The following WFS1 variants were observed in gnomAD, a reference collection of about 807,000 sequenced individuals.
The protein encoded by WFS1 is wolframin.
Under a neutral mutation model 68.5 loss-of-function variants are expected in WFS1, and 90 were observed. The ratio of observed to expected loss-of-function variants is 1.31; its 90% CI spans 1.11 to 1.56. The LOEUF (loss-of-function observed/expected upper bound fraction) is 1.56, where lower values mean the gene tolerates loss of function less well. Among genes scored for constraint, WFS1 ranks in the 40% most tolerant of loss-of-function variants. WFS1 has a pLI of 0.00. For synonymous variants in WFS1, 860 were observed against 540.7 expected (o/e 1.59, Z -8.19); for missense variants, 1,767 against 1,232.6 (o/e 1.43, Z -6.49).
At position 6,291,912 on chromosome 4, in the gene WFS1, T is replaced by C. The variant is rs1578597647; in HGVS notation, c.632-5T>C. ...CTGACTGTTAATCCACCCTGTCCCCTGCAGATGGAGGGGCGCAGCCAGGCC... is the reference window on the plus strand; with the variant it reads ...CTGACTGTTAATCCACCCTGTCCCCCGCAGATGGAGGGGCGCAGCCAGGCC... On this transcript the variant is annotated splice_polypyrimidine_tract_variant and splice_region_variant and intron_variant, in intron 5 of 7. Coordinates refer to ENST00000226760, the MANE Select transcript of WFS1 (RefSeq NM_006005.3). 1 of 1,608,822 alleles carries C rather than the reference T, an allele frequency of 6.2e-7. No individual in the cohort carries two copies. The highest frequency in any genetic ancestry group is 8.5e-7 in the Non-Finnish European group (1 of 1,178,436).
chr4:6,277,691 A>G lies in WFS1; in HGVS notation c.232+4A>G, dbSNP rs1187482431. The G allele has an allele frequency of 6.4e-7, 1 of 1,555,574 alleles. No homozygotes were observed. The highest frequency in any genetic ancestry group is 2.4e-5 in the East Asian group (1 of 41,490). ...CGGGAAAGAGCAGACGGCACCGGTA[A>G]GGGAGCAGGCTGGGAAGCCCAGGCT... On this transcript the variant is annotated splice_donor_region_variant and intron_variant, in intron 2 of 7. Transcript: ENST00000226760.
chr4:6,294,010 T>C (rs1195230699), intron 6 of WFS1, among the ~76,000 whole-genome samples: 3 of 148,322 alleles, frequency 2.0e-5, no homozygotes, highest in Non-Finnish European at 4.5e-5. Flanking sequence ...CCTCATCTCT[T>C]TGCTGCAGCT....
Position 6,301,818 on chromosome 4 carries a change from C to T in WFS1, c.2023C>T (p.Pro675Ser), listed in dbSNP as rs1730935968. 3.1e-6 allele frequency: 5 copies of T among 1,613,178 alleles called. No individual in the cohort carries two copies. Among genetic ancestry groups the T allele is most frequent in the Non-Finnish European group, 3.4e-6 (4 of 1,180,030 alleles). ...TWQQYGALCG[P>S]RAWKETNMAR... The stretch of plus-strand genomic sequence containing the variant: ...GCAGCAGTATGGTGCGCTGTGCGGG[C>T]CACGCGCCTGGAAGGAGACCAACAT... The change falls in exon 8 of 8, where the codon CCA (proline) becomes TCA (serine). Residue 675 changes from proline to serine, a missense_variant. Physicochemically the swap from Pro to Ser is moderately conservative, Grantham distance 74. Transcript: ENST00000226760.
intron 1 of WFS1, among the ~76,000 whole-genome samples, chr4:6,271,594 A>C (rs578254841): frequency 6.6e-6 from 1 of 151,908 alleles, no homozygotes; most frequent in Admixed American, 6.6e-5. Context: ...AAGTGGTACC[A>C]CCACAGCCAG....
intron 1 of WFS1, among the ~76,000 whole-genome samples, chr4:6,273,931 G>C (rs1340204431): frequency 6.6e-6 from 1 of 152,176 alleles, no homozygotes; most frequent in Admixed American, 6.5e-5. Flanking sequence ...GACATACATG[G>C]TACATAGGCC....
intron 1 of WFS1, among the ~76,000 whole-genome samples, chr4:6,276,233 G>T (rs919707744): frequency 6.6e-6 from 1 of 152,160 alleles, no homozygotes; most frequent in Non-Finnish European, 1.5e-5. Context: ...CCCTAACGCC[G>T]CTCATCCAGG....
At position 6,300,936 on chromosome 4, in the gene WFS1, C is replaced by T. The variant is rs1730865869; in HGVS notation, c.1141C>T (p.Leu381=). ...GAACTTCCGCACCCTCACCGACCTGCTGCTGCGCTTCGAGCCCAACCTGGA... is the reference window on the plus strand; with the variant it reads ...GAACTTCCGCACCCTCACCGACCTGTTGCTGCGCTTCGAGCCCAACCTGGA... The part of the protein sequence containing the change: ...WENFRTLTDL[L]LRFEPNLDVE... Residue 381 remains leucine (L), a synonymous_variant, in exon 8 of 8, where the codon CTG becomes TTG. Transcript: ENST00000226760. 3.1e-6 allele frequency: 5 copies of T among 1,614,080 alleles called. No individual in the cohort carries two copies. Among genetic ancestry groups the T allele is most frequent in the African/African-American group, 2.7e-5 (2 of 74,930 alleles).
At chr4:6,282,255 G>A (rs1292803181) in intron 2 of WFS1, among the ~76,000 whole-genome samples, 1 of 152,256 alleles carries the variant, frequency 6.6e-6, no homozygotes, top group Admixed American at 6.5e-5. Flanking sequence ...AGGCTGATGG[G>A]ATGCCTGTGG....
chr4:6,274,289 T>C lies in WFS1; in HGVS notation c.-5-3162T>C, dbSNP rs375922576. On this transcript the variant is annotated intron_variant, in intron 1 of 7. Coordinates refer to ENST00000226760, the MANE Select transcript of WFS1 (RefSeq NM_006005.3). Reference sequence around the variant, plus strand: ...GTCTTGATCTCCTGACCTTGTGATCTGCCCGCCTCGGCCTCCCAAAGTGCT... The same window carrying C: ...GTCTTGATCTCCTGACCTTGTGATCCGCCCGCCTCGGCCTCCCAAAGTGCT... Among the ~76,000 whole-genome samples the C allele has an allele frequency of 2.6e-3, 388 of 152,148 alleles. 3 individuals are homozygous for C. Among genetic ancestry groups the C allele is most frequent in the African/African-American group, 7.4e-3 (309 of 41,516 alleles).
chr4:6,301,448 C>A lies in WFS1; in HGVS notation c.1653C>A (p.Ser551=), dbSNP rs766730980. Residue 551 remains serine, a synonymous_variant, in exon 8 of 8, where the codon TCC becomes TCA. Transcript: ENST00000226760. ...TCTCCGTGGTCATCCTGCTGGAGTC[C>A]ACCGGCCTGGGGCTGCTCCGCGCCT... is the stretch of plus-strand genomic sequence containing the variant. ...CELSVVILLE[S]TGLGLLRASI... 1 of 1,612,408 alleles carries A rather than the reference C, an allele frequency of 6.2e-7. No individual in the cohort carries two copies. The highest frequency in any genetic ancestry group is 8.5e-7 in the Non-Finnish European group (1 of 1,180,044).
chr4:6,274,316 G>A (rs1729927801), intron 1 of WFS1, among the ~76,000 whole-genome samples: 1 of 151,908 alleles, frequency 6.6e-6, no homozygotes, highest in Admixed American at 6.6e-5. Flanking sequence ...CAAAGTGCTG[G>A]GATTACAGGC....
At chr4:6,274,954 C>T (rs564607800) in intron 1 of WFS1, among the ~76,000 whole-genome samples, 2 of 152,282 alleles carry the variant, frequency 1.3e-5, no homozygotes, top group African/African-American at 4.8e-5. Flanking sequence ...GAGCAGGTCC[C>T]TCCCCTCCCT....
intron 7 of WFS1, among the ~76,000 whole-genome samples, chr4:6,296,725 C>T (rs1730649437): frequency 6.6e-6 from 1 of 152,226 alleles, no homozygotes; most frequent in South Asian, 2.1e-4. Context: ...GGTGTAAGTA[C>T]TATTATAATA....
At chr4:6,284,744 T>C (rs543737730) in intron 2 of WFS1, among the ~76,000 whole-genome samples, 21 of 151,620 alleles carry the variant, frequency 1.4e-4, no homozygotes, top group Non-Finnish European at 2.9e-4. Context: ...CCTATCAGAT[T>C]GATGTTAACG....
At chr4:6,300,577 G>A in intron 7 of WFS1, 80 bp from the exon 8 acceptor site, 1 of 1,597,972 alleles carries the variant, frequency 6.3e-7, no homozygotes, top group Non-Finnish European at 8.5e-7. Flanking sequence ...CCCAGAGGCA[G>A]GGTGGTCAGA....
At chr4:6,279,036 C>G (rs945573348) in intron 2 of WFS1, among the ~76,000 whole-genome samples, 1 of 152,142 alleles carries the variant, frequency 6.6e-6, no homozygotes, top group Non-Finnish European at 1.5e-5. Context: ...AAGCCCTGGG[C>G]GCCGCCTGAC....
In WFS1 at chr4:6,291,247, G is replaced by C. The variant is rs758281375; in HGVS notation, c.511G>C (p.Asp171His). 2.5e-6 allele frequency: 4 copies of C among 1,613,210 alleles called. No homozygotes were observed. The highest frequency in any genetic ancestry group is 2.5e-6 in the Non-Finnish European group (3 of 1,180,014). The change falls in exon 5 of 8, where the codon GAC (aspartate) becomes CAC (histidine). Residue 171 changes from aspartate to histidine, a missense_variant. By Grantham distance (81) the Asp-to-His change is moderately conservative (BLOSUM62 -1). Transcript: ENST00000226760. ...GGTGAGGCAGCTCTCCTCCGAGACC[G>C]ACCTGGAGAGGGCCGTGCGCAAGGC... ...REVRQLSSET[D>H]LERAVRKAAL...
intron 1 of WFS1, among the ~76,000 whole-genome samples, chr4:6,274,109 C>T (rs1315593238): frequency 6.6e-6 from 1 of 151,282 alleles, no homozygotes; most frequent in Non-Finnish European, 1.5e-5. Context: ...TGCAGTGGCG[C>T]GATCTCGGCT....
At chr4:6,286,628 T>C (rs1045681897) in intron 2 of WFS1, among the ~76,000 whole-genome samples, 5 of 152,248 alleles carry the variant, frequency 3.3e-5, no homozygotes, top group African/African-American at 1.2e-4. Context: ...AATGTGGTTT[T>C]TGTTGGTACA....
Sources: gnomAD v4.1 joint callset for allele counts (sites outside exome capture counted in the v4.1 genomes callset) on GRCh38, gnomAD v4.1.1 for gene constraint, MANE v1.5 for transcripts, NCBI Gene and HGNC (gene_info 2026-07-23, HGNC 2026-07-21) for gene names.